The following QSER1 variants were observed in gnomAD, a reference collection of about 807,000 sequenced individuals.
The protein encoded by QSER1 is glutamine and serine-rich protein 1.
QSER1 carries 49 observed loss-of-function variants against 158.5 expected under a neutral mutation model. The ratio of observed to expected loss-of-function variants is 0.31; its 90% CI spans 0.25 to 0.39. QSER1 has a LOEUF of 0.39. Ranked by LOEUF, QSER1 falls within the 10% of genes least tolerant of loss-of-function variation. QSER1 has a pLI of 1.00. For missense variants in QSER1, 1,754 were observed against 2,010.3 expected, an observed-to-expected ratio of 0.87 and a Z score of 2.44; for synonymous variants, 650 against 715.5, an observed-to-expected ratio of 0.91 and a Z score of 1.46.
At chr11:32,943,791 A>G (rs535071911) in intron 4 of QSER1, among the ~76,000 whole-genome samples, 2 of 152,272 alleles carry the variant, frequency 1.3e-5, no homozygotes, top group South Asian at 4.2e-4. Flanking sequence ...ATTGATTGCA[A>G]TAGTTTCAGA....
chr11:32,946,624 T>A (rs1227550489), intron 4 of QSER1, among the ~76,000 whole-genome samples: 3 of 152,184 alleles, frequency 2.0e-5, no homozygotes, highest in Non-Finnish European at 4.4e-5. Context: ...GAACCACTGC[T>A]CTCTTCAAAG....
Position 32,931,824 on chromosome 11 carries a change from C to T in QSER1, c.566C>T (p.Ala189Val). 5.0e-6 allele frequency: 8 copies of T among 1,614,150 alleles called. No homozygotes were observed. The highest frequency in any genetic ancestry group is 5.9e-6 in the Non-Finnish European group (7 of 1,179,980). The stretch of plus-strand genomic sequence containing the variant: ...GGAACACTTCCACCATCTCTCTCTG[C>T]TTATCAGCATCCCACCACCTTCAGC... ...STGTLPPSLS[A>V]YQHPTTFSNR... The change falls in exon 4 of 13, where the codon GCT becomes GTT. Residue 189 changes from alanine to valine, a missense_variant. Ala to Val is a moderately conservative substitution (Grantham distance 64, BLOSUM62 0). Transcript: ENST00000650167.
At chr11:32,963,597 C>T (rs973654931) in intron 8 of QSER1, among the ~76,000 whole-genome samples, 2 of 152,000 alleles carry the variant, frequency 1.3e-5, no homozygotes, top group Non-Finnish European at 2.9e-5. Flanking sequence ...GTGATCCACC[C>T]GCCTCGGCCT....
intron 1 of QSER1, among the ~76,000 whole-genome samples, chr11:32,904,445 C>T (rs1851665422): frequency 6.6e-6 from 1 of 152,090 alleles, no homozygotes; most frequent in Non-Finnish European, 1.5e-5. Flanking sequence ...CCACCTTGGC[C>T]TCTCAAAGTG....
rs1257765841 is a variant in QSER1 at position 32,934,323 on chromosome 11, C to T, written c.3065C>T (p.Ser1022Leu). 1 of 1,613,838 alleles carries T rather than the reference C, an allele frequency of 6.2e-7. No individual in the cohort carries two copies. Among genetic ancestry groups the T allele is most frequent in the Admixed American group, 1.7e-5 (1 of 59,932 alleles). ...GATTCTAAATCTCATTTTCAGCAGT[C>T]ATTAGATGTCAGGCATGTGACTTCA... ...DGDSKSHFQQSLDVRHVTSDF... is the reference protein window; with the variant it reads ...DGDSKSHFQQLLDVRHVTSDF... Residue 1022 changes from serine to leucine, a missense_variant, in exon 4 of 13, where the codon TCA (serine) becomes TTA (leucine). Transcript: ENST00000650167.
Position 32,933,044 on chromosome 11 carries a change from A to G in QSER1, c.1786A>G (p.Thr596Ala), listed in dbSNP as rs772380143. 6 of 1,612,976 alleles carry G rather than the reference A, an allele frequency of 3.7e-6. No individual in the cohort carries two copies. The Admixed American group carries it at 8.3e-5, about 22-fold the overall frequency. The stretch of plus-strand genomic sequence containing the variant: ...AAGCTATGCTTCAGGGGAGTCCCTA[A>G]CATTAACAGCCCCTTCTCTTTCTTA... Reference protein sequence around the residue: ...SESYASGESLTLTAPSLSYSS... With the variant: ...SESYASGESLALTAPSLSYSS... The change falls in exon 4 of 13, where the codon ACA (threonine) becomes GCA (alanine). Residue 596 changes from threonine to alanine, a missense_variant. By Grantham distance (58) the Thr-to-Ala change is moderately conservative (BLOSUM62 0). Coordinates refer to ENST00000650167, the MANE Select transcript of QSER1 (RefSeq NM_001076786.3).
At chr11:32,909,159 A>G (rs1051882204) in intron 1 of QSER1, among the ~76,000 whole-genome samples, 3 of 152,172 alleles carry the variant, frequency 2.0e-5, no homozygotes, top group Non-Finnish European at 2.9e-5. Context: ...ACTCCATCTC[A>G]AAAAATGAAA....
rs531676100 is a variant in QSER1 at position 32,928,222 on chromosome 11, T to C, written c.484+99T>C. ...ATTGTGGCTGGGAGTTTTGTTACAATATTGATTTTCCACTGAACTTTAAGA... is the reference window on the plus strand; with the variant it reads ...ATTGTGGCTGGGAGTTTTGTTACAACATTGATTTTCCACTGAACTTTAAGA... On this transcript the variant is annotated intron_variant, in intron 3 of 12. Transcript: ENST00000650167. 8.9e-5 allele frequency: 65 copies of C among 729,112 alleles called. No homozygotes were observed. In the African/African-American group the frequency reaches 1.1e-3, roughly 12 times the overall value. 45.2% of individuals were successfully genotyped at this position (729,112 alleles called of 1,614,324 possible). A position where few individuals can be genotyped will look rare whatever the true frequency, so the allele number is the denominator to read the frequency against.
intron 5 of QSER1, 89 bp downstream of exon 5, chr11:32,954,268 C>A: frequency 7.0e-7 from 1 of 1,436,868 alleles, no homozygotes; most frequent in Non-Finnish European, 9.3e-7. Context: ...CATGCATCTA[C>A]TTTGAATTAT....
At position 32,953,894 on chromosome 11, in the gene QSER1, T is replaced by C. The variant is rs1223446835; in HGVS notation, c.4215T>C (p.Asn1405=). 6.2e-7 allele frequency: 1 copy of C among 1,614,072 alleles called. No homozygotes were observed. The highest frequency in any genetic ancestry group is 1.1e-5 in the South Asian group (1 of 91,074). The part of the protein sequence containing the change: ...LQVATTSPTA[N]TTGTATTSST... The stretch of plus-strand genomic sequence containing the variant: ...TGGCAACTACTAGCCCAACTGCCAA[T>C]ACTACTGGTACTGCTACTACTTCCT... The change falls in exon 5 of 13, where the codon AAT becomes AAC. Residue 1405 remains asparagine, a synonymous_variant. Coordinates refer to ENST00000650167, the MANE Select transcript of QSER1 (RefSeq NM_001076786.3).
chr11:32,902,283 T>G (rs1336711526), intron 1 of QSER1, among the ~76,000 whole-genome samples: 1 of 152,322 alleles, frequency 6.6e-6, no homozygotes, highest in East Asian at 1.9e-4. Flanking sequence ...AGGATCTTGC[T>G]GTAGCTCAGT....
intron 4 of QSER1, among the ~76,000 whole-genome samples, chr11:32,945,371 G>T (rs1208748211): frequency 6.6e-6 from 1 of 151,662 alleles, no homozygotes; most frequent in East Asian, 1.9e-4. Context: ...GCAGCGGCTG[G>T]TACCGGTTGT....
chr11:32,933,150 T>C lies in QSER1; in HGVS notation c.1892T>C (p.Val631Ala), dbSNP rs559236969. Residue 631 changes from valine (V) to alanine (A), a missense_variant, in exon 4 of 13, where the codon GTT (valine) becomes GCT (alanine). Val to Ala is a moderately conservative substitution (Grantham distance 64, BLOSUM62 0). This residue lies in a region of QSER1 where 1,707 missense variants were observed against 1,919.6 expected (regional missense o/e 0.89). Coordinates refer to ENST00000650167, the MANE Select transcript of QSER1 (RefSeq NM_001076786.3). ...NYISMHSSQN[V>A]QTQESSSPQS... ...ATTTCTATGCATTCTTCCCAAAATG[T>C]TCAGACTCAAGAGTCATCATCTCCC... is the stretch of plus-strand genomic sequence containing the variant. 151 of 1,613,396 alleles carry C rather than the reference T, an allele frequency of 9.4e-5. 1 individual carries two copies. In the South Asian group the frequency reaches 1.6e-3, roughly 17 times the overall value.
intron 1 of QSER1, among the ~76,000 whole-genome samples, chr11:32,895,003 T>A (rs1851536866): frequency 6.6e-6 from 1 of 152,248 alleles, no homozygotes; most frequent in Non-Finnish European, 1.5e-5. Flanking sequence ...TTTTATCTTT[T>A]AAATGAAAAA....
chr11:32,963,761 C>T (rs1221171364), intron 8 of QSER1, among the ~76,000 whole-genome samples: 1 of 152,184 alleles, frequency 6.6e-6, no homozygotes, highest in Non-Finnish European at 1.5e-5. Flanking sequence ...ACTTCTGGCA[C>T]AAGCAATCTT....
chr11:32,973,534 C>T lies in QSER1; in HGVS notation c.5343C>T (p.Thr1781=). The T allele has an allele frequency of 3.7e-6, 6 of 1,607,756 alleles. No homozygotes were observed. Among genetic ancestry groups the T allele is most frequent in the Non-Finnish European group, 5.1e-6 (6 of 1,178,190 alleles). The change falls in exon 11 of 13, where the codon ACC becomes ACT. Residue 1781 remains threonine, a synonymous_variant. Transcript: ENST00000650167. ...NKKTLRTSKT[T]TKSAQEFAVD... is the part of the protein sequence containing the mutation. Reference sequence around the variant, plus strand: ...AAACTCTAAGGACTTCTAAAACAACCACCAAATCTGCACAAGTAAGTGTAA... The same window carrying T: ...AAACTCTAAGGACTTCTAAAACAACTACCAAATCTGCACAAGTAAGTGTAA...
intron 1 of QSER1, among the ~76,000 whole-genome samples, chr11:32,908,316 A>C (rs1851719941): frequency 6.6e-6 from 1 of 152,214 alleles, no homozygotes. Flanking sequence ...CCATATCACC[A>C]TCACATTTCA....
intron 4 of QSER1, among the ~76,000 whole-genome samples, chr11:32,948,425 T>G (rs1051878975): frequency 6.6e-6 from 1 of 152,172 alleles, no homozygotes; most frequent in African/African-American, 2.4e-5. Context: ...AAGACTATAC[T>G]TTTTAGCTGG....
chr11:32,935,797 A>G (rs1418560660), intron 4 of QSER1, among the ~76,000 whole-genome samples: 2 of 152,362 alleles, frequency 1.3e-5, no homozygotes, highest in Middle Eastern at 3.4e-3. Context: ...TTAACATTTT[A>G]TTATTAAATA....
Sources: allele counts gnomAD v4.1 joint callset (sites outside exome capture counted in the v4.1 genomes callset), GRCh38; gene constraint gnomAD v4.1.1; regional missense constraint gnomAD v4.1.1; transcripts MANE v1.5; gene names NCBI Gene and HGNC (gene_info 2026-07-23, HGNC 2026-07-21).